The following ODAD2 variants were observed in gnomAD, a reference collection of about 807,000 sequenced individuals.
The protein encoded by ODAD2 is outer dynein arm-docking complex subunit 2.
A neutral mutation model predicts 106.8 loss-of-function variants in ODAD2; 89 were observed. The ratio of observed to expected loss-of-function variants is 0.83; its 90% confidence interval spans 0.70 to 0.99. The LOEUF is 0.99. ODAD2 is among the 50% of genes least tolerant of loss of function. The probability of loss-of-function intolerance (pLI) is 0.00; values close to 1 mark genes in which losing one functional copy is unlikely to be tolerated. For synonymous variants in ODAD2, 404 were observed against 436.2 expected (o/e 0.93, Z 0.92); for missense variants, 1,168 against 1,238.5 (o/e 0.94, Z 0.85).
chr10:27,959,263 AGAAAG>A (rs1311372552), intron 10 of ODAD2, among the ~76,000 whole-genome samples: 11 of 138,806 alleles, frequency 7.9e-5, no homozygotes, highest in Non-Finnish European at 9.2e-5. Context: ...AAGGAAAGAA[AGAAAG>A]GAAAGGAAAG....
intron 7 of ODAD2, among the ~76,000 whole-genome samples, chr10:27,981,046 T>A (rs1185490936): frequency 6.6e-6 from 1 of 152,142 alleles, no homozygotes; most frequent in Non-Finnish European, 1.5e-5. Context: ...TTGAAAACAC[T>A]ATGCTAAGTG....
At chr10:27,922,165 A>G (rs930683069) in intron 16 of ODAD2, among the ~76,000 whole-genome samples, 9 of 151,394 alleles carry the variant, frequency 5.9e-5, no homozygotes, top group African/African-American at 9.7e-5. Flanking sequence ...AAAAAAAAAA[A>G]AAAGAAAGAA....
At chr10:27,887,719 G>A (rs1285655888) in intron 17 of ODAD2, among the ~76,000 whole-genome samples, 1 of 151,968 alleles carries the variant, frequency 6.6e-6, no homozygotes, top group East Asian at 1.9e-4. Context: ...CAACACACTT[G>A]TAAGCAACCA....
Position 27,940,736 on chromosome 10 carries a change from C to A in ODAD2, c.1813G>T (p.Val605Leu). Residue 605 changes from valine (V) to leucine (L), a missense_variant, in exon 13 of 20, where the codon GTG (valine) becomes TTG (leucine). By Grantham distance (32) the Val-to-Leu change is conservative. This residue lies in a region of ODAD2 where 701 missense variants were observed against 712.3 expected (regional missense o/e 0.98). Transcript: ENST00000305242. ...AGTGCCCCACAGCGAGCCACTTCCACGTCTCTGGCCTCATACAGACTCGAT... is the reference window on the plus strand; with the variant it reads ...AGTGCCCCACAGCGAGCCACTTCCAAGTCTCTGGCCTCATACAGACTCGAT... ...AQSSLYEARD[V>L]EVARCGALAL... The A allele has an allele frequency of 6.2e-7, 1 of 1,614,134 alleles. No homozygotes were observed. Among genetic ancestry groups the A allele is most frequent in the Non-Finnish European group, 8.5e-7 (1 of 1,179,992 alleles).
chr10:27,948,804 G>GTTTTTTTTTTTTTTTTTTTTTTTTT (rs1847125369), intron 10 of ODAD2, among the ~76,000 whole-genome samples: 1 of 17,940 alleles, frequency 5.6e-5, no homozygotes, highest in African/African-American at 2.0e-4. Context: ...TTTTTTTTTT[G>GTTTTTTTTTTTTTTTTTTTTTTTTT]CAATTGACAT....
At chr10:27,926,657 AATGC>A (rs1326854918) in intron 16 of ODAD2, among the ~76,000 whole-genome samples, 4 of 152,224 alleles carry the variant, frequency 2.6e-5, no homozygotes, top group African/African-American at 9.6e-5. Flanking sequence ...CCATAAGTCC[AATGC>A]TATTTCAAAG....
intron 14 of ODAD2, among the ~76,000 whole-genome samples, chr10:27,937,884 A>G (rs1846103232): frequency 1.3e-5 from 2 of 152,226 alleles, no homozygotes; most frequent in South Asian, 4.1e-4. Context: ...TATACAAGTC[A>G]GGGCTATATA....
At chr10:27,923,499 AT>A (rs1263867567) in intron 16 of ODAD2, among the ~76,000 whole-genome samples, 1 of 152,194 alleles carries the variant, frequency 6.6e-6, no homozygotes, top group African/African-American at 2.4e-5. Context: ...ATGTAAGAAG[AT>A]TTAGATAAAA....
At chr10:27,897,214 AC>A (rs1321879956) in intron 17 of ODAD2, among the ~76,000 whole-genome samples, 11 of 150,938 alleles carry the variant, frequency 7.3e-5, no homozygotes, top group Admixed American at 5.3e-4. Context: ...GTCTCCTCTC[AC>A]TCCAGTCCTT....
chr10:27,898,527 A>T (rs2133778887), intron 17 of ODAD2, among the ~76,000 whole-genome samples: 1 of 152,282 alleles, frequency 6.6e-6, no homozygotes, highest in African/African-American at 2.4e-5. Flanking sequence ...CTTTGTTTAA[A>T]TTTATGAATG....
At chr10:27,821,177 G>A (rs760828046) in intron 19 of ODAD2, among the ~76,000 whole-genome samples, 4 of 152,152 alleles carry the variant, frequency 2.6e-5, no homozygotes, top group Non-Finnish European at 5.9e-5. Flanking sequence ...TCAATCAAGG[G>A]TGTAGAATTG....
In ODAD2 at chr10:27,812,639, G is replaced by A; in HGVS notation, c.3022-14C>T. On this transcript the variant is annotated splice_polypyrimidine_tract_variant and intron_variant, in intron 19 of 19. Transcript: ENST00000305242. ...ATCCAGTAGAAGCTGTCACACATAAGGAGGAGAAGAAGGGACACAAGAATA... is the reference window on the plus strand; with the variant it reads ...ATCCAGTAGAAGCTGTCACACATAAAGAGGAGAAGAAGGGACACAAGAATA... The A allele has an allele frequency of 1.3e-6, 2 of 1,564,790 alleles. No homozygotes were observed. Among genetic ancestry groups the A allele is most frequent in the Non-Finnish European group, 1.7e-6 (2 of 1,164,144 alleles).
intron 17 of ODAD2, among the ~76,000 whole-genome samples, chr10:27,900,631 A>C (rs982900112): frequency 1.3e-5 from 2 of 152,200 alleles, no homozygotes; most frequent in African/African-American, 4.8e-5. Flanking sequence ...GACCTGATGG[A>C]GCTGAAAAAC....
At chr10:27,992,141 A>G (rs1251027461) in intron 2 of ODAD2, among the ~76,000 whole-genome samples, 1 of 152,152 alleles carries the variant, frequency 6.6e-6, no homozygotes, top group South Asian at 2.1e-4. Context: ...TCAGCTGTAC[A>G]CTTTGCCTTC....
At chr10:27,837,768 TATTG>T (rs1489199326) in intron 19 of ODAD2, among the ~76,000 whole-genome samples, 1 of 152,256 alleles carries the variant, frequency 6.6e-6, no homozygotes, top group Non-Finnish European at 1.5e-5. Context: ...CCCACAAGTG[TATTG>T]TAAATGAACA....
intron 17 of ODAD2, among the ~76,000 whole-genome samples, chr10:27,899,733 C>A (rs1294628008): frequency 6.6e-6 from 1 of 152,196 alleles, no homozygotes; most frequent in Non-Finnish European, 1.5e-5. Context: ...CACAGCTCCG[C>A]AAAGCCACTG....
rs551239437 is a variant in ODAD2, at chr10:27,860,503, C to T, written c.3021+122G>A. The stretch of plus-strand genomic sequence containing the variant: ...ACATGGCTTGAATGCAGCCATGATG[C>T]AGCAGGCAGGCACTTTTGTGTCTCT... On this transcript the variant is annotated intron_variant, in intron 19 of 19. Transcript: ENST00000305242. 1.5e-4 allele frequency: 126 copies of T among 836,418 alleles called. No individual in the cohort carries two copies. In the African/African-American group the frequency reaches 1.7e-3, roughly 11 times the overall value. 51.8% of individuals were successfully genotyped at this position (836,418 alleles called of 1,614,324 possible).
chr10:27,853,321 CGTT>C (rs1564429103), intron 19 of ODAD2: 1 of 273,908 alleles, frequency 3.7e-6, no homozygotes, highest in African/African-American at 2.4e-5. Flanking sequence ...GAGCCAAGAT[CGTT>C]GTCACTGCAC....
chr10:27,959,182 GGGAGTGGAGA>G, intron 10 of ODAD2, among the ~76,000 whole-genome samples: 2 of 109,276 alleles, frequency 1.8e-5, no homozygotes, highest in Non-Finnish European at 3.8e-5. Flanking sequence ...GAGAGGGGAG[GGGAGTGGAGA>G]GGAGGGGAGG....
Sources: gnomAD v4.1 joint callset for allele counts (sites outside exome capture counted in the v4.1 genomes callset) on GRCh38, gnomAD v4.1.1 for gene constraint, gnomAD v4.1.1 regional missense constraint, MANE v1.5 for transcripts, NCBI Gene and HGNC (gene_info 2026-07-23, HGNC 2026-07-21) for gene names.